AGPAT4: variants seen among roughly 807,000 people sequenced by gnomAD.
AGPAT4 encodes the protein 1-acyl-sn-glycerol-3-phosphate acyltransferase delta.
A neutral mutation model predicts 48.0 loss-of-function variants in AGPAT4; 15 were observed. The ratio of observed to expected loss-of-function variants is 0.31; its 90% CI spans 0.21 to 0.48. The LOEUF (loss-of-function observed/expected upper bound fraction) is 0.48. Ranked by LOEUF, AGPAT4 falls within the 20% of genes least tolerant of loss-of-function variation. AGPAT4 has a pLI of 0.99. For missense variants in AGPAT4, 314 were observed against 482.5 expected (o/e 0.65, Z 3.27); for synonymous variants, 178 against 198.7 (o/e 0.90, Z 0.88).
At chr6:161,167,741 A>C (rs909562859) in intron 2 of AGPAT4, among the ~76,000 whole-genome samples, 4 of 152,200 alleles carry the variant, frequency 2.6e-5, no homozygotes, top group African/African-American at 9.7e-5. Flanking sequence ...AGAAGGCATC[A>C]CAGTCCAGTT....
chr6:161,269,423 A>G (rs1379039087), intron 1 of AGPAT4, among the ~76,000 whole-genome samples: 1 of 152,270 alleles, frequency 6.6e-6, no homozygotes, highest in East Asian at 1.9e-4. Flanking sequence ...AACAATTTAT[A>G]AAATTGTTCA....
rs1178159068 is a variant in AGPAT4, at chr6:161,159,136, C to A, written c.349-4826G>T. ...TTTTCTTGACTACCAGCTGGAGCCACTGTAGCAAATGTTTCAGTTCCCTGG... is the reference window on the plus strand; with the variant it reads ...TTTTCTTGACTACCAGCTGGAGCCAATGTAGCAAATGTTTCAGTTCCCTGG... On this transcript the variant is annotated intron_variant, in intron 3 of 8. Coordinates refer to ENST00000320285, the MANE Select transcript of AGPAT4 (RefSeq NM_020133.3). This position sits in a 1 kb window ranked among gnomAD's most constrained non-coding sequence, Gnocchi z 4.1. Among the ~76,000 whole-genome samples the A allele has an allele frequency of 6.6e-6, 1 of 152,222 alleles. No homozygotes were observed. Among genetic ancestry groups the A allele is most frequent in the East Asian group, 1.9e-4 (1 of 5,196 alleles).
At chr6:161,268,857 G>A (rs1333366411) in intron 1 of AGPAT4, among the ~76,000 whole-genome samples, 1 of 152,164 alleles carries the variant, frequency 6.6e-6, no homozygotes, top group East Asian at 1.9e-4. Flanking sequence ...CATGACATCA[G>A]AAAACACAGA....
Position 161,169,600 on chromosome 6 carries a change from T to C in AGPAT4, c.179-3183A>G, listed in dbSNP as rs1178570687. Among the ~76,000 whole-genome samples the C allele has an allele frequency of 6.6e-6, 1 of 152,140 alleles. No individual in the cohort carries two copies. Among genetic ancestry groups the C allele is most frequent in the African/African-American group, 2.4e-5 (1 of 41,428 alleles). ...ATCCTTCCACCTTGGCCTCCCAAAG[T>C]GCTGGGATTATAGGCATGAGCCACC... On this transcript the variant is annotated intron_variant, in intron 2 of 8. Transcript: ENST00000320285. This position sits in a 1 kb window ranked among gnomAD's most constrained non-coding sequence, Gnocchi z 5.0.
At chr6:161,162,399 G>A (rs1562318993) in intron 3 of AGPAT4, among the ~76,000 whole-genome samples, 2 of 152,038 alleles carry the variant, frequency 1.3e-5, no homozygotes, top group African/African-American at 2.4e-5. Context: ...CCGGGCGCCC[G>A]CTCTCTCTCT....
intron 2 of AGPAT4, among the ~76,000 whole-genome samples, chr6:161,172,801 A>AC (rs1780308159): frequency 2.1e-5 from 2 of 93,028 alleles, no homozygotes; most frequent in Non-Finnish European, 4.5e-5. Context: ...CCTTCCCCCC[A>AC]CCCCACAACA....
intron 2 of AGPAT4, among the ~76,000 whole-genome samples, chr6:161,227,806 G>A (rs1457115877): frequency 1.3e-5 from 2 of 152,140 alleles, no homozygotes; most frequent in Admixed American, 6.5e-5. Flanking sequence ...AGGCAATATA[G>A]AGCTCACTCT....
Position 161,166,156 on chromosome 6 carries a change from T to G in AGPAT4, c.348+92A>C. 6.7e-7 allele frequency: 1 copy of G among 1,491,700 alleles called. No individual in the cohort carries two copies. The highest frequency in any genetic ancestry group is 2.4e-5 in the East Asian group (1 of 41,298). 92.4% of individuals were successfully genotyped at this position (1,491,700 alleles called of 1,614,324 possible). ...CAAGTAGAAACTCTGTTGATTCTTCTGCAAGTTCTGAATGACCAGGAGCAA... is the reference window on the plus strand; with the variant it reads ...CAAGTAGAAACTCTGTTGATTCTTCGGCAAGTTCTGAATGACCAGGAGCAA... On this transcript the variant is annotated intron_variant, in intron 3 of 8. Coordinates refer to ENST00000320285, the MANE Select transcript of AGPAT4 (RefSeq NM_020133.3). The surrounding 1 kb of genome is among the most constrained non-coding windows in gnomAD (Gnocchi z 6.7).
At chr6:161,207,873 G>A (rs1005622730) in intron 2 of AGPAT4, among the ~76,000 whole-genome samples, 3 of 152,126 alleles carry the variant, frequency 2.0e-5, no homozygotes, top group Non-Finnish European at 4.4e-5. Context: ...CAGGTTGAGT[G>A]GGTGGGGACA....
rs983425592 is a variant in AGPAT4 at position 161,238,508 on chromosome 6, C to T, written c.-89-6206G>A. ...TTAATTTACCTGTAATGTGTTAAAGCATCCTCCCCCATATGTTTTCATTCT... is the reference window on the plus strand; with the variant it reads ...TTAATTTACCTGTAATGTGTTAAAGTATCCTCCCCCATATGTTTTCATTCT... On this transcript the variant is annotated intron_variant, in intron 1 of 8. Transcript: ENST00000320285. The surrounding 1 kb of genome is among the most constrained non-coding windows in gnomAD (Gnocchi z 5.2). Among the ~76,000 whole-genome samples the T allele has an allele frequency of 3.3e-5, 5 of 152,198 alleles. No individual in the cohort carries two copies.
Position 161,180,158 on chromosome 6 carries a change from A to G in AGPAT4, c.179-13741T>C, listed in dbSNP as rs1780543189. On this transcript the variant is annotated intron_variant, in intron 2 of 8. Transcript: ENST00000320285. This position sits in a 1 kb window ranked among gnomAD's most constrained non-coding sequence, Gnocchi z 6.4. ...CCTATCCTCCCTGGAGACCCCAACA[A>G]TATTTCAAGCCTCCAGGCAAGCTCT... 6.6e-6 allele frequency among the ~76,000 whole-genome samples: 1 copy of G among 152,104 alleles called. No individual in the cohort carries two copies. Among genetic ancestry groups the G allele is most frequent in the Admixed American group, 6.5e-5 (1 of 15,268 alleles).
In AGPAT4 at chr6:161,178,886, C is replaced by G. The variant is rs546023675; in HGVS notation, c.179-12469G>C. On this transcript the variant is annotated intron_variant, in intron 2 of 8. Transcript: ENST00000320285. This position sits in a 1 kb window ranked among gnomAD's most constrained non-coding sequence, Gnocchi z 5.1. The stretch of plus-strand genomic sequence containing the variant: ...TCTACAAAGCAGTCACATTCGGATT[C>G]TGCTCTTGCAGCCACATCTGGCTTT... Among the ~76,000 whole-genome samples the G allele has an allele frequency of 6.6e-6, 1 of 152,232 alleles. No homozygotes were observed. The highest frequency in any genetic ancestry group is 2.1e-4 in the South Asian group (1 of 4,832).
At chr6:161,257,815 T>C (rs1050492066) in intron 1 of AGPAT4, among the ~76,000 whole-genome samples, 1 of 152,212 alleles carries the variant, frequency 6.6e-6, no homozygotes, top group Non-Finnish European at 1.5e-5. Context: ...CTTATTCTGT[T>C]GTTCCATTAG....
intron 2 of AGPAT4, among the ~76,000 whole-genome samples, chr6:161,193,220 A>G (rs1780972390): frequency 6.6e-6 from 1 of 152,094 alleles, no homozygotes; most frequent in African/African-American, 2.4e-5. Context: ...CATTCTGGAT[A>G]TTTCCTTCTG....
rs1056635291 is a variant in AGPAT4, at chr6:161,134,635, A to G, written c.*1905T>C. On this transcript the variant is annotated 3_prime_UTR_variant, in exon 9 of 9. Coordinates refer to ENST00000320285, the MANE Select transcript of AGPAT4 (RefSeq NM_020133.3). ...CCAAATCCTACAGCCGATGAGCTGC[A>G]GAGTTCAGGTGAATGGCGTAACTCA... is the stretch of plus-strand genomic sequence containing the variant. The G allele has an allele frequency of 6.6e-6, 1 of 152,220 alleles. No homozygotes were observed. Among genetic ancestry groups the G allele is most frequent in the Non-Finnish European group, 1.5e-5 (1 of 68,038 alleles). 9.4% of individuals were successfully genotyped at this position (152,220 alleles called of 1,614,324 possible). A position where few individuals can be genotyped will look rare whatever the true frequency, so the allele number is the denominator to read the frequency against.
intron 1 of AGPAT4, among the ~76,000 whole-genome samples, chr6:161,269,295 A>G (rs565087449): frequency 5.9e-5 from 9 of 152,318 alleles, no homozygotes; most frequent in African/African-American, 2.2e-4. Context: ...TAATTAACAA[A>G]TGTTTACCAT....
At chr6:161,256,676 G>A (rs1057269197) in intron 1 of AGPAT4, among the ~76,000 whole-genome samples, 6 of 152,232 alleles carry the variant, frequency 3.9e-5, no homozygotes, top group Non-Finnish European at 7.3e-5. Flanking sequence ...CCCGGTCCCT[G>A]CAGCCTGTAC....
At chr6:161,227,560 C>T (rs777879969) in intron 2 of AGPAT4, among the ~76,000 whole-genome samples, 10 of 152,206 alleles carry the variant, frequency 6.6e-5, no homozygotes, top group South Asian at 4.1e-4. Context: ...GAGCTCCCAA[C>T]CCTCTTGCAC....
intron 2 of AGPAT4, among the ~76,000 whole-genome samples, chr6:161,228,575 CTTTT>C (rs10564297): frequency 0.026 from 2,861 of 108,604 alleles, 55 homozygotes; most frequent in East Asian, 0.037. Context: ...CACCCCCTGC[CTTTT>C]TTTTTTTTTT....
Sources: allele counts gnomAD v4.1 joint callset (sites outside exome capture counted in the v4.1 genomes callset), GRCh38; gene constraint gnomAD v4.1.1; non-coding constraint Gnocchi (gnomAD v3.1); transcripts MANE v1.5; gene names NCBI Gene and HGNC (gene_info 2026-07-23, HGNC 2026-07-21).